BCL11B: variants seen among roughly 807,000 people sequenced by gnomAD.
The protein encoded by BCL11B is B-cell lymphoma/leukemia 11B.
Under a neutral mutation model 49.9 loss-of-function variants are expected in BCL11B, and 8 were observed. The ratio of observed to expected loss-of-function variants is 0.16; its 90% CI spans 0.09 to 0.29. The LOEUF (loss-of-function observed/expected upper bound fraction) is 0.29. BCL11B is among the 10% of genes least tolerant of loss of function. The pLI is 1.00. For missense variants in BCL11B, 1,006 were observed against 1,351.0 expected, an observed-to-expected ratio of 0.74 and a Z score of 4.00; for synonymous variants, 739 against 637.4, an observed-to-expected ratio of 1.16 and a Z score of -2.40.
intron 2 of BCL11B, among the ~76,000 whole-genome samples, chr14:99,234,516 C>A (rs1314330177): frequency 6.6e-6 from 1 of 152,128 alleles, no homozygotes; most frequent in Non-Finnish European, 1.5e-5. Context: ...GGCCGCACAG[C>A]CTTGAGGACC....
At chr14:99,191,606 G>C (rs1172870675) in intron 3 of BCL11B, among the ~76,000 whole-genome samples, 1 of 152,024 alleles carries the variant, frequency 6.6e-6, no homozygotes, top group Admixed American at 6.6e-5. Context: ...CTGGAGCTGA[G>C]AATCTGGGGC....
chr14:99,189,863 G>T (rs1258616519), intron 3 of BCL11B, among the ~76,000 whole-genome samples: 2 of 152,218 alleles, frequency 1.3e-5, no homozygotes, highest in African/African-American at 4.8e-5. Context: ...CCTTATCGGG[G>T]ACTATGGGCA....
Position 99,228,427 on chromosome 14 carries a change from G to A in BCL11B, c.640+2918C>T, listed in dbSNP as rs1248598086. Among the ~76,000 whole-genome samples, 1 of 152,136 alleles carries A rather than the reference G, an allele frequency of 6.6e-6. No individual in the cohort carries two copies. The highest frequency in any genetic ancestry group is 1.5e-5 in the Non-Finnish European group (1 of 68,010). ...AAGCTGGTGAGGGCCAATGAACTGG[G>A]ACCGAATGAAAAAAGAGAACTGTAC... On this transcript the variant is annotated intron_variant, in intron 3 of 3. Transcript: ENST00000357195. The surrounding 1 kb of genome is among the most constrained non-coding windows in gnomAD (Gnocchi z 4.8).
intron 3 of BCL11B, among the ~76,000 whole-genome samples, chr14:99,176,767 C>T (rs1057388850): frequency 3.9e-5 from 6 of 152,158 alleles, no homozygotes; most frequent in African/African-American, 9.7e-5. Flanking sequence ...CCACCTCCCC[C>T]GGTTGCGAGG....
chr14:99,230,475 A>G (rs1353990326), intron 3 of BCL11B, among the ~76,000 whole-genome samples: 1 of 152,160 alleles, frequency 6.6e-6, no homozygotes, highest in Non-Finnish European at 1.5e-5. Flanking sequence ...GCGTGGCCAC[A>G]GTGCTTTCAC....
At chr14:99,181,975 C>T (rs148829808) in intron 3 of BCL11B, among the ~76,000 whole-genome samples, 234 of 151,684 alleles carry the variant, frequency 1.5e-3, no homozygotes, top group African/African-American at 5.2e-3. Context: ...ATTCCTTATT[C>T]ATTTAAAAAC....
intron 3 of BCL11B, among the ~76,000 whole-genome samples, chr14:99,199,008 C>T (rs1389876820): frequency 2.0e-5 from 3 of 152,032 alleles, no homozygotes; most frequent in South Asian, 2.1e-4. Context: ...TGCGCGGGGC[C>T]GTTGTCCAAA....
chr14:99,192,743 C>G lies in BCL11B; in HGVS notation c.641-16548G>C, dbSNP rs1407947164. Among the ~76,000 whole-genome samples the G allele has an allele frequency of 6.6e-6, 1 of 152,168 alleles. No individual in the cohort carries two copies. Among genetic ancestry groups the G allele is most frequent in the African/African-American group, 2.4e-5 (1 of 41,440 alleles). ...GAGCTCAACTCTGAGCTCCAAGTTC[C>G]TTATCCATAAATGCGAGTGACACCT... On this transcript the variant is annotated intron_variant, in intron 3 of 3. Coordinates refer to ENST00000357195, the MANE Select transcript of BCL11B (RefSeq NM_138576.4). The surrounding 1 kb of genome is among the most constrained non-coding windows in gnomAD (Gnocchi z 4.0).
At chr14:99,204,126 G>C (rs1180368907) in intron 3 of BCL11B, among the ~76,000 whole-genome samples, 2 of 152,136 alleles carry the variant, frequency 1.3e-5, no homozygotes, top group Non-Finnish European at 2.9e-5. Flanking sequence ...AGGGGAAAAG[G>C]CTGCCTTGTG....
At position 99,175,206 on chromosome 14, in the gene BCL11B, GCTC is replaced by G. The variant is rs761352760; in HGVS notation, c.1627_1629del (p.Glu543del). Reference sequence around the variant, plus strand: ...GGCCGGCTCTCGTTCTCCAGTAGCAGCTCCTCCTCCTCCTCCTCCTCCTCCTCG... The same window carrying G: ...GGCCGGCTCTCGTTCTCCAGTAGCAGCTCCTCCTCCTCCTCCTCCTCCTCG... On this transcript the variant is annotated inframe_deletion, in exon 4 of 4. Transcript: ENST00000357195. The G allele has an allele frequency of 0.011, 13,849 of 1,239,158 alleles. 3 individuals carry two copies. The highest frequency in any genetic ancestry group is 0.028 in the Admixed American group (1,117 of 39,732). The allele number at this position is 1,239,158 out of a possible 1,614,324, so 76.8% of individuals were successfully genotyped here.
chr14:99,173,566 T>G lies in BCL11B; in HGVS notation c.*585A>C, dbSNP rs1156660992. 6.0e-6 allele frequency: 1 copy of G among 165,726 alleles called. No individual in the cohort carries two copies. The highest frequency in any genetic ancestry group is 2.9e-5 in the African/African-American group (1 of 34,898). The allele number at this position is 165,726 out of a possible 1,614,324, so 10.3% of individuals were successfully genotyped here. The stretch of plus-strand genomic sequence containing the variant: ...CAAAAACAAAAACCAAAAAAAAAAT[T>G]AAAAAATAATTAAAAAAAAAACTGC... On this transcript the variant is annotated 3_prime_UTR_variant, in exon 4 of 4. Transcript: ENST00000357195.
At position 99,170,563 on chromosome 14, in the gene BCL11B, T is replaced by TA. The variant is rs561206189; in HGVS notation, c.*3587dup. On this transcript the variant is annotated 3_prime_UTR_variant, in exon 4 of 4. Transcript: ENST00000357195. ...ACAGACAGGAAGAAAAGAAATTAAA[T>TA]AAAAAATGAAAGAAAAAAAAAGGAC... is the stretch of plus-strand genomic sequence containing the variant. 17 of 225,848 alleles carry TA rather than the reference T, an allele frequency of 7.5e-5. 1 individual carries two copies. The East Asian group carries it at 9.9e-4, about 13-fold the overall frequency. 14.0% of individuals were successfully genotyped at this position (225,848 alleles called of 1,614,324 possible).
Position 99,171,755 on chromosome 14 carries a change from G to GA in BCL11B, c.*2395dup. The GA allele has an allele frequency of 1.4e-5, 3 of 209,512 alleles. No homozygotes were observed. Among genetic ancestry groups the GA allele is most frequent in the Admixed American group, 5.9e-5 (1 of 16,970 alleles). 13.0% of individuals were successfully genotyped at this position (209,512 alleles called of 1,614,324 possible). ...AAATAAAAATTCAACACCCAAGGCA[G>GA]AAAAAAATTTACTAAAACTCCGACT... On this transcript the variant is annotated 3_prime_UTR_variant, in exon 4 of 4. Coordinates refer to ENST00000357195, the MANE Select transcript of BCL11B (RefSeq NM_138576.4).
At chr14:99,212,476 T>C (rs1242729344) in intron 3 of BCL11B, among the ~76,000 whole-genome samples, 1 of 152,096 alleles carries the variant, frequency 6.6e-6, no homozygotes, top group Non-Finnish European at 1.5e-5. Context: ...TCACAAGCGC[T>C]CACGGACAGC....
intron 3 of BCL11B, among the ~76,000 whole-genome samples, chr14:99,226,774 A>G (rs1888174159): frequency 6.6e-6 from 1 of 152,220 alleles, no homozygotes; most frequent in Non-Finnish European, 1.5e-5. Context: ...AAGGAGGAGA[A>G]AAGGATAGAT....
chr14:99,178,222 G>T (rs943127901), intron 3 of BCL11B, among the ~76,000 whole-genome samples: 4 of 152,208 alleles, frequency 2.6e-5, no homozygotes, highest in African/African-American at 9.7e-5. Flanking sequence ...CTGTGTGTTT[G>T]GTGATGAGAA....
Position 99,174,794 on chromosome 14 carries a change from A to G in BCL11B, c.2042T>C (p.Leu681Pro), listed in dbSNP as rs2139754950. ...CTTGATGCGCTTGGCGGCGCTGTTG[A>G]GCCCGGGGCTGGGCAGCGGCGCGGG... ...RKPAPLPSPG[L>P]NSAAKRIKVE... The change falls in exon 4 of 4, where the codon CTC becomes CCC. Residue 681 changes from leucine (L) to proline (P), a missense_variant. Leu to Pro is a moderately conservative substitution (Grantham distance 98, BLOSUM62 -3). Coordinates refer to ENST00000357195, the MANE Select transcript of BCL11B (RefSeq NM_138576.4). The G allele has an allele frequency of 6.9e-7, 1 of 1,442,052 alleles. No individual in the cohort carries two copies. Among genetic ancestry groups the G allele is most frequent in the South Asian group, 1.4e-5 (1 of 69,360 alleles). The allele number at this position is 1,442,052 out of a possible 1,614,324, so 89.3% of individuals were successfully genotyped here.
chr14:99,229,934 C>A (rs565584905), intron 3 of BCL11B, among the ~76,000 whole-genome samples: 110 of 152,284 alleles, frequency 7.2e-4, no homozygotes, highest in Non-Finnish European at 1.2e-3. Flanking sequence ...GCCTGAGCAC[C>A]TGGGGACCAG....
chr14:99,250,033 CTTTTTTTTT>C (rs35826122), intron 2 of BCL11B, among the ~76,000 whole-genome samples: 10 of 106,264 alleles, frequency 9.4e-5, no homozygotes, highest in African/African-American at 3.5e-4. Context: ...ACAGGAGAAT[CTTTTTTTTT>C]TTTTTTTTTT....
Sources: gnomAD v4.1 joint callset for allele counts (sites outside exome capture counted in the v4.1 genomes callset) on GRCh38, gnomAD v4.1.1 for gene constraint, Gnocchi (gnomAD v3.1) non-coding constraint, MANE v1.5 for transcripts, NCBI Gene and HGNC (gene_info 2026-07-23, HGNC 2026-07-21) for gene names.